PTPN5: variants seen among roughly 807,000 people sequenced by gnomAD.
The protein encoded by PTPN5 is tyrosine-protein phosphatase non-receptor type 5.
Under a neutral mutation model 73.9 loss-of-function variants are expected in PTPN5, and 29 were observed. The observed-to-expected ratio is 0.39, with a 90% CI of 0.29 to 0.54. PTPN5 has a LOEUF of 0.54. PTPN5 is among the 20% of genes least tolerant of loss of function. PTPN5 has a pLI of 0.65. For missense variants in PTPN5, 652 were observed against 751.4 expected (o/e 0.87, Z 1.55); for synonymous variants, 267 against 304.7 (o/e 0.88, Z 1.29).
At chr11:18,776,418 A>C (rs972775864) in intron 1 of PTPN5, among the ~76,000 whole-genome samples, 6 of 151,944 alleles carry the variant, frequency 3.9e-5, no homozygotes, top group Non-Finnish European at 7.4e-5. Context: ...TTCTGTTCTT[A>C]CCCCTCCATA....
In PTPN5 at chr11:18,743,506, C is replaced by T. The variant is rs1849471699; in HGVS notation, c.292-77G>A. 40 of 1,323,996 alleles carry T rather than the reference C, an allele frequency of 3.0e-5. No homozygotes were observed. In the South Asian group the frequency reaches 4.3e-4, roughly 14 times the overall value. The allele number at this position is 1,323,996 out of a possible 1,614,324, so 82.0% of individuals were successfully genotyped here. A position where few individuals can be genotyped will look rare whatever the true frequency, so the allele number is the denominator to read the frequency against. On this transcript the variant is annotated intron_variant, in intron 4 of 14. Transcript: ENST00000358540. Reference sequence around the variant, plus strand: ...TTCCCCCAGCAGAGCTCACCTGCAGCCTCAACCTGGCCCTGCATGGAGGCT... The same window carrying T: ...TTCCCCCAGCAGAGCTCACCTGCAGTCTCAACCTGGCCCTGCATGGAGGCT...
chr11:18,746,833 G>A (rs529853282), intron 3 of PTPN5, among the ~76,000 whole-genome samples: 1 of 152,286 alleles, frequency 6.6e-6, no homozygotes, highest in South Asian at 2.1e-4. Context: ...ACGTGGGAAG[G>A]CAAGAGTTGC....
At chr11:18,781,411 C>A (rs1373065377) in intron 1 of PTPN5, among the ~76,000 whole-genome samples, 1 of 149,826 alleles carries the variant, frequency 6.7e-6, no homozygotes, top group Non-Finnish European at 1.5e-5. Context: ...CCTCCGCCTC[C>A]CGGGTTTAAT....
At position 18,731,846 on chromosome 11, in the gene PTPN5, AG is replaced by A. The variant is rs1301124264; in HGVS notation, c.1329+745del. Among the ~76,000 whole-genome samples the A allele has an allele frequency of 2.0e-5, 3 of 152,294 alleles. No individual in the cohort carries two copies. In the East Asian group the frequency reaches 5.8e-4, roughly 29 times the overall value. On this transcript the variant is annotated intron_variant, in intron 12 of 14. Transcript: ENST00000358540. ...TGAACTTCCTTGGCTGCTCCTGGAT[AG>A]GGCATCAGCTTCCTGATGCCTGGTT...
chr11:18,751,169 C>T (rs1035706073), intron 3 of PTPN5, among the ~76,000 whole-genome samples: 1 of 152,200 alleles, frequency 6.6e-6, no homozygotes, highest in Non-Finnish European at 1.5e-5. Flanking sequence ...GATCTCTGTT[C>T]TCACTGGGAG....
chr11:18,733,653 A>G lies in PTPN5; in HGVS notation c.1001-18T>C. The G allele has an allele frequency of 6.2e-7, 1 of 1,613,726 alleles. No individual in the cohort carries two copies. The highest frequency in any genetic ancestry group is 8.5e-7 in the Non-Finnish European group (1 of 1,179,598). On this transcript the variant is annotated intron_variant, in intron 9 of 14. Coordinates refer to ENST00000358540, the MANE Select transcript of PTPN5 (RefSeq NM_006906.2). This position sits in a 1 kb window ranked among gnomAD's most constrained non-coding sequence, Gnocchi z 4.3. The stretch of plus-strand genomic sequence containing the variant: ...GTGAGGGTCTGGGGTGGTGGGAGAC[A>G]AGTAAGGCTGGAAACTGGGCCCTCT...
chr11:18,742,828 A>G lies in PTPN5; in HGVS notation c.483+164T>C, dbSNP rs1372461307. On this transcript the variant is annotated intron_variant, in intron 6 of 14. Transcript: ENST00000358540. This position sits in a 1 kb window ranked among gnomAD's most constrained non-coding sequence, Gnocchi z 4.1. The stretch of plus-strand genomic sequence containing the variant: ...TCACTGCAAACCAATTTTCGGAAAG[A>G]AGGAGGCTCTTGCCCCAGGCTGGCA... Among the ~76,000 whole-genome samples the G allele has an allele frequency of 2.6e-5, 4 of 152,170 alleles. No individual in the cohort carries two copies. The highest frequency in any genetic ancestry group is 4.4e-5 in the Non-Finnish European group (3 of 68,034).
chr11:18,738,100 A>G, intron 8 of PTPN5, 136 bp from the exon 9 acceptor site: 4 of 708,960 alleles, frequency 5.6e-6, no homozygotes, highest in Non-Finnish European at 1.0e-5. Flanking sequence ...ATTTACTATT[A>G]AGAGAGTTAG....
At chr11:18,781,674 G>C (rs1390208217) in intron 1 of PTPN5, among the ~76,000 whole-genome samples, 1 of 152,100 alleles carries the variant, frequency 6.6e-6, no homozygotes, top group Non-Finnish European at 1.5e-5. Flanking sequence ...AACCCAGTTT[G>C]TCTCTAAGAT....
chr11:18,747,442 C>T (rs938550141), intron 3 of PTPN5, among the ~76,000 whole-genome samples: 4 of 152,130 alleles, frequency 2.6e-5, no homozygotes, highest in Non-Finnish European at 4.4e-5. Context: ...TGAGCCACCG[C>T]GCCTGGCCTG....
chr11:18,778,264 CTG>C (rs1209422631), intron 1 of PTPN5, among the ~76,000 whole-genome samples: 2 of 152,204 alleles, frequency 1.3e-5, no homozygotes, highest in African/African-American at 2.4e-5. Context: ...GCTGTATGCT[CTG>C]TGTTAGCCAA....
intron 5 of PTPN5, 95 bp from the exon 6 acceptor site, chr11:18,743,170 C>G: frequency 8.1e-7 from 1 of 1,239,672 alleles, no homozygotes; most frequent in Non-Finnish European, 1.2e-6. Context: ...AAAATCACGT[C>G]CCAGGTCTGG....
chr11:18,765,248 G>C (rs1402919849), intron 3 of PTPN5, among the ~76,000 whole-genome samples: 1 of 151,878 alleles, frequency 6.6e-6, no homozygotes, highest in Non-Finnish European at 1.5e-5. Context: ...GTGGGTCATG[G>C]GGCTACAACT....
chr11:18,736,623 C>T (rs1462796057), intron 9 of PTPN5, among the ~76,000 whole-genome samples: 1 of 152,210 alleles, frequency 6.6e-6, no homozygotes, highest in Non-Finnish European at 1.5e-5. Context: ...CCTCTGCACC[C>T]CCCAACCCAG....
chr11:18,728,739 G>GC lies in PTPN5; in HGVS notation c.*194dup. 2 of 545,438 alleles carry GC rather than the reference G, an allele frequency of 3.7e-6. No individual in the cohort carries two copies. The highest frequency in any genetic ancestry group is 3.1e-6 in the Non-Finnish European group (1 of 322,292). The allele number at this position is 545,438 out of a possible 1,614,324, so 33.8% of individuals were successfully genotyped here. On this transcript the variant is annotated 3_prime_UTR_variant, in exon 15 of 15. Transcript: ENST00000358540. The surrounding 1 kb of genome is among the most constrained non-coding windows in gnomAD (Gnocchi z 4.1). The stretch of plus-strand genomic sequence containing the variant: ...GCCTGGCATGTCCCTTCCCGACCCT[G>GC]CCCCCCACTCCCCAATATGTACAGT...
rs760151930 is a variant in PTPN5, at chr11:18,729,900, G to A, written c.1330-82C>T. The stretch of plus-strand genomic sequence containing the variant: ...CCAGCCCAGAGATAGAGATGAGATG[G>A]AAGGAGGAAGAACACAGGAAGAACA... On this transcript the variant is annotated intron_variant, in intron 12 of 14. Coordinates refer to ENST00000358540, the MANE Select transcript of PTPN5 (RefSeq NM_006906.2). This position sits in a 1 kb window ranked among gnomAD's most constrained non-coding sequence, Gnocchi z 5.2. The A allele has an allele frequency of 6.4e-7, 1 of 1,554,448 alleles. No individual in the cohort carries two copies. The highest frequency in any genetic ancestry group is 2.2e-5 in the East Asian group (1 of 44,474).
At chr11:18,739,770 T>A (rs1849282133) in intron 8 of PTPN5, among the ~76,000 whole-genome samples, 1 of 152,220 alleles carries the variant, frequency 6.6e-6, no homozygotes, top group Non-Finnish European at 1.5e-5. Context: ...AGTGAGGAGT[T>A]ACCTGTTTGG....
chr11:18,771,915 G>A, intron 2 of PTPN5, 24 bp downstream of exon 2: 1 of 1,598,790 alleles, frequency 6.3e-7, no homozygotes, highest in East Asian at 2.3e-5. Context: ...GGGTTGCAGG[G>A]GGACGGCGTA....
intron 3 of PTPN5, among the ~76,000 whole-genome samples, chr11:18,760,449 T>A (rs1478243637): frequency 6.6e-6 from 1 of 152,028 alleles, no homozygotes; most frequent in Non-Finnish European, 1.5e-5. Context: ...GAAGGAAGGG[T>A]CCACTTAATA....
Sources: gnomAD v4.1 joint callset for allele counts (sites outside exome capture counted in the v4.1 genomes callset) on GRCh38, gnomAD v4.1.1 for gene constraint, Gnocchi (gnomAD v3.1) non-coding constraint, MANE v1.5 for transcripts, NCBI Gene and HGNC (gene_info 2026-07-23, HGNC 2026-07-21) for gene names.